CACNA2D4: variants seen among roughly 807,000 people sequenced by gnomAD.
CACNA2D4 encodes calcium voltage-gated channel auxiliary subunit alpha2delta 4.
A neutral mutation model predicts 163.8 loss-of-function variants in CACNA2D4; 157 were observed. The observed-to-expected ratio is 0.96, with a 90% CI of 0.84 to 1.09. CACNA2D4 has a LOEUF of 1.09. Among genes scored for constraint, CACNA2D4 ranks in the 50% least tolerant of loss-of-function variants. The pLI is 0.00. For synonymous variants in CACNA2D4, 598 were observed against 586.9 expected (o/e 1.02, Z -0.27); for missense variants, 1,410 against 1,479.9 (o/e 0.95, Z 0.78).
At chr12:1,906,744 T>C (rs1866667506) in intron 6 of CACNA2D4, among the ~76,000 whole-genome samples, 1 of 152,208 alleles carries the variant, frequency 6.6e-6, no homozygotes, top group Non-Finnish European at 1.5e-5. Flanking sequence ...CAATGCCAAC[T>C]ATGGGAACTG....
chr12:1,880,316 A>T (rs921460991), intron 13 of CACNA2D4, among the ~76,000 whole-genome samples: 2 of 152,264 alleles, frequency 1.3e-5, no homozygotes, highest in Non-Finnish European at 2.9e-5. Context: ...GAGAGGGAGG[A>T]CATTGACCCA....
At position 1,834,114 on chromosome 12, in the gene CACNA2D4, C is replaced by T. The variant is rs577321509; in HGVS notation, c.2551+6625G>A. ...TCAATCAATGCTGTTTTCCCTCCTCCGCTTCCTCTTCTATAGATGGTGATT... is the reference window on the plus strand; with the variant it reads ...TCAATCAATGCTGTTTTCCCTCCTCTGCTTCCTCTTCTATAGATGGTGATT... On this transcript the variant is annotated intron_variant, in intron 26 of 37. Coordinates refer to ENST00000382722, the MANE Select transcript of CACNA2D4 (RefSeq NM_172364.5). This position sits in a 1 kb window ranked among gnomAD's most constrained non-coding sequence, Gnocchi z 7.6. Among the ~76,000 whole-genome samples the T allele has an allele frequency of 2.0e-5, 3 of 152,354 alleles. No individual in the cohort carries two copies. The highest frequency in any genetic ancestry group is 2.1e-4 in the South Asian group (1 of 4,824).
intron 6 of CACNA2D4, among the ~76,000 whole-genome samples, chr12:1,890,149 A>G (rs1324561566): frequency 6.6e-6 from 1 of 151,904 alleles, no homozygotes; most frequent in African/African-American, 2.4e-5. Context: ...GAGCCTCTAG[A>G]CTCTTGTAGG....
At chr12:1,897,821 C>A (rs1160505977) in intron 6 of CACNA2D4, among the ~76,000 whole-genome samples, 1 of 152,046 alleles carries the variant, frequency 6.6e-6, no homozygotes, top group African/African-American at 2.4e-5. Context: ...AATATAAAAT[C>A]AGCAAAGATA....
intron 3 of CACNA2D4, among the ~76,000 whole-genome samples, chr12:1,910,269 G>T (rs1866781425): frequency 6.6e-6 from 1 of 152,254 alleles, no homozygotes; most frequent in Non-Finnish European, 1.5e-5. Flanking sequence ...GAAGATAAGT[G>T]GTTGCCAGTG....
chr12:1,907,591 A>C lies in CACNA2D4; in HGVS notation c.650-20T>G. ...CTGGGTCTGAAGGGTGAGACTATAGATTATGATCCTGTAGAACTTCTCAGG... is the reference window on the plus strand; with the variant it reads ...CTGGGTCTGAAGGGTGAGACTATAGCTTATGATCCTGTAGAACTTCTCAGG... On this transcript the variant is annotated intron_variant, in intron 5 of 37. Transcript: ENST00000382722. 1 of 1,607,510 alleles carries C rather than the reference A, an allele frequency of 6.2e-7. No homozygotes were observed. The highest frequency in any genetic ancestry group is 2.2e-5 in the East Asian group (1 of 44,806).
At chr12:1,842,639 ATAAAGC>A (rs1865053921) in intron 25 of CACNA2D4, among the ~76,000 whole-genome samples, 1 of 81,348 alleles carries the variant, frequency 1.2e-5, no homozygotes, top group Non-Finnish European at 2.6e-5. Flanking sequence ...TCATCACCAC[ATAAAGC>A]TCCCCCAGCA....
At chr12:1,823,640 G>T (rs914490148) in intron 26 of CACNA2D4, among the ~76,000 whole-genome samples, 20 of 151,928 alleles carry the variant, frequency 1.3e-4, no homozygotes, top group African/African-American at 4.8e-4. Flanking sequence ...AGCCAGAAAG[G>T]TTTCTAGAAA....
In CACNA2D4 at chr12:1,799,782, T is replaced by C. The variant is rs1863247660; in HGVS notation, c.2975-87A>G. ...AGGGCAGGATGTCATGGGGTGGTGA[T>C]GATGGCACATGGAGTGGCGGTGTCC... On this transcript the variant is annotated intron_variant, in intron 33 of 37. Coordinates refer to ENST00000382722, the MANE Select transcript of CACNA2D4 (RefSeq NM_172364.5). This position sits in a 1 kb window ranked among gnomAD's most constrained non-coding sequence, Gnocchi z 4.7. The C allele has an allele frequency of 4.7e-6, 7 of 1,483,948 alleles. No individual in the cohort carries two copies. The East Asian group carries it at 1.2e-4, about 26-fold the overall frequency. 91.9% of individuals were successfully genotyped at this position (1,483,948 alleles called of 1,614,324 possible). A position where few individuals can be genotyped will look rare whatever the true frequency, so the allele number is the denominator to read the frequency against.
chr12:1,888,617 C>A (rs4765647), intron 6 of CACNA2D4, among the ~76,000 whole-genome samples: 8 of 151,832 alleles, frequency 5.3e-5, no homozygotes, highest in African/African-American at 1.9e-4. Flanking sequence ...ATGAAGCTTT[C>A]GGAGATGAAA....
intron 25 of CACNA2D4, among the ~76,000 whole-genome samples, chr12:1,842,148 A>C (rs566889493): frequency 6.6e-6 from 1 of 152,312 alleles, no homozygotes; most frequent in South Asian, 2.1e-4. Flanking sequence ...CAGGGATTTC[A>C]GTGCCTGGCT....
At chr12:1,860,641 G>A (rs1865503298) in intron 18 of CACNA2D4, among the ~76,000 whole-genome samples, 1 of 152,172 alleles carries the variant, frequency 6.6e-6, no homozygotes, top group Non-Finnish European at 1.5e-5. Flanking sequence ...CTGTCAGTGT[G>A]TGCTAAGAAC....
Position 1,844,466 on chromosome 12 carries a change from G to A in CACNA2D4, c.2406C>T (p.Tyr802=), listed in dbSNP as rs71454844. The change falls in exon 25 of 38, where the codon TAC becomes TAT. Residue 802 remains tyrosine (Y), a synonymous_variant. Transcript: ENST00000382722. The surrounding 1 kb of genome is among the most constrained non-coding windows in gnomAD (Gnocchi z 4.2). ...VFTLDRFPLW[Y]RQASEHPAGS... Reference sequence around the variant, plus strand: ...CAGCAGGATGCTCTGAGGCCTGGCGGTACCACAGCGGGAAGCGGTCCAGGG... The same window carrying A: ...CAGCAGGATGCTCTGAGGCCTGGCGATACCACAGCGGGAAGCGGTCCAGGG... 2 of 1,613,454 alleles carry A rather than the reference G, an allele frequency of 1.2e-6. No homozygotes were observed. Among genetic ancestry groups the A allele is most frequent in the Admixed American group, 1.7e-5 (1 of 59,952 alleles).
intron 18 of CACNA2D4, among the ~76,000 whole-genome samples, chr12:1,868,487 G>A (rs905715696): frequency 2.0e-5 from 3 of 151,490 alleles, no homozygotes; most frequent in East Asian, 1.9e-4. Context: ...ATGAGAAAAC[G>A]TTGGTCAAAA....
chr12:1,821,525 C>G (rs77304298), intron 26 of CACNA2D4, among the ~76,000 whole-genome samples: 1,646 of 152,298 alleles, frequency 0.011, 34 homozygotes, highest in African/African-American at 0.038. Flanking sequence ...ACCAGGCCCG[C>G]GAGAACCTGC....
At chr12:1,865,560 T>C (rs1159022042) in intron 18 of CACNA2D4, among the ~76,000 whole-genome samples, 4 of 152,240 alleles carry the variant, frequency 2.6e-5, no homozygotes, top group Non-Finnish European at 5.9e-5. Context: ...CTTAGAGTCG[T>C]AGTTCATCGA....
chr12:1,834,241 C>A lies in CACNA2D4; in HGVS notation c.2551+6498G>T. On this transcript the variant is annotated intron_variant, in intron 26 of 37. Transcript: ENST00000382722. The surrounding 1 kb of genome is among the most constrained non-coding windows in gnomAD (Gnocchi z 7.6). ...GTGCAAGTTCTAGATGCCTGGTCAG[C>A]CCCTCTTTTTCTCTTCTGCATGTAG... The A allele has an allele frequency of 6.5e-7, 1 of 1,527,640 alleles. No individual in the cohort carries two copies. Among genetic ancestry groups the A allele is most frequent in the South Asian group, 1.3e-5 (1 of 77,130 alleles). 94.6% of individuals were successfully genotyped at this position (1,527,640 alleles called of 1,614,324 possible).
rs781290644 is a variant in CACNA2D4 at position 1,795,813 on chromosome 12, C to T, written c.3114-33G>A. 5.8e-6 allele frequency: 8 copies of T among 1,372,974 alleles called. No individual in the cohort carries two copies. In the South Asian group the frequency reaches 9.3e-5, roughly 16 times the overall value. The allele number at this position is 1,372,974 out of a possible 1,614,324, so 85.0% of individuals were successfully genotyped here. The stretch of plus-strand genomic sequence containing the variant: ...AAAGAAAGGGAGTCGAGGATGGCTC[C>T]GTGGCGACCACGAGAAGGGCTTCTA... On this transcript the variant is annotated intron_variant, in intron 35 of 37. Coordinates refer to ENST00000382722, the MANE Select transcript of CACNA2D4 (RefSeq NM_172364.5).
Position 1,909,960 on chromosome 12 carries a change from C to T in CACNA2D4, c.432G>A (p.Leu144=). The change falls in exon 4 of 38, where the codon CTG becomes CTA. Residue 144 remains leucine, a synonymous_variant. Coordinates refer to ENST00000382722, the MANE Select transcript of CACNA2D4 (RefSeq NM_172364.5). ...GGTCGGCCTCCTCGGCAGCTTCCAC[C>T]AGATTCTGAGGGATGGGAACACAGA... ...LRRKVEAVQN[L]VEAAEEADLN... is the part of the protein sequence containing the mutation. The T allele has an allele frequency of 6.2e-7, 1 of 1,613,674 alleles. No homozygotes were observed. Among genetic ancestry groups the T allele is most frequent in the Non-Finnish European group, 8.5e-7 (1 of 1,179,704 alleles).
Sources: allele counts gnomAD v4.1 joint callset (sites outside exome capture counted in the v4.1 genomes callset), GRCh38; gene constraint gnomAD v4.1.1; non-coding constraint Gnocchi (gnomAD v3.1); transcripts MANE v1.5; gene names NCBI Gene and HGNC (gene_info 2026-07-23, HGNC 2026-07-21).